Variants in KLHL5 observed in about 807,000 individuals in gnomAD.
KLHL5 encodes the protein kelch-like protein 5.
In KLHL5, 48 loss-of-function variants were observed where a neutral mutation model predicts 77.7. That is an observed-to-expected ratio of 0.62 (90% CI 0.49 to 0.79). The LOEUF is 0.79. Among genes scored for constraint, KLHL5 ranks in the 30% least tolerant of loss-of-function variants. KLHL5 has a pLI of 0.00. For synonymous variants in KLHL5, 260 were observed against 297.0 expected (o/e 0.88, Z 1.28); for missense variants, 723 against 859.7 (o/e 0.84, Z 1.99).
At chr4:39,110,479 G>A (rs941166520) in intron 8 of KLHL5, among the ~76,000 whole-genome samples, 1 of 151,910 alleles carries the variant, frequency 6.6e-6, no homozygotes, top group Non-Finnish European at 1.5e-5. Flanking sequence ...TTACTTTTGA[G>A]ACAGGGTCTA....
chr4:39,092,860 T>C (rs1720715050), intron 5 of KLHL5, among the ~76,000 whole-genome samples: 1 of 152,128 alleles, frequency 6.6e-6, no homozygotes, highest in Admixed American at 6.5e-5. Flanking sequence ...AAACTAACAA[T>C]TGGCGAGGAT....
At chr4:39,058,842 G>T (rs1290491969), upstream of KLHL5, among the ~76,000 whole-genome samples, 2 of 151,904 alleles carry the variant, frequency 1.3e-5, no homozygotes, top group Admixed American at 1.3e-4. Context: ...TAAGTGCTGG[G>T]ATTACAGTGA....
the KLHL5 span, among the ~76,000 whole-genome samples, chr4:39,132,313 C>G: frequency 6.6e-6 from 1 of 152,116 alleles, no homozygotes; most frequent in African/African-American, 2.4e-5. Context: ...AATCTTCCCA[C>G]AAAGAAAACT....
chr4:39,072,286 G>A (rs1718549382), intron 1 of KLHL5, among the ~76,000 whole-genome samples: 1 of 152,068 alleles, frequency 6.6e-6, no homozygotes, highest in Non-Finnish European at 1.5e-5. Flanking sequence ...CTAGGGCTGT[G>A]CATGCATTAG....
At chr4:39,101,881 C>G (rs1284232593) in intron 6 of KLHL5, among the ~76,000 whole-genome samples, 1 of 143,186 alleles carries the variant, frequency 7.0e-6, no homozygotes, top group Non-Finnish European at 1.5e-5. Context: ...TATATATACA[C>G]ACACACACAC....
At position 39,124,925 on chromosome 4, in the gene KLHL5, G is replaced by A. The variant is rs1315829341; in HGVS notation, c.*3859G>A. ...AATATTTGTAAATCTTACATATCTG[G>A]TAAGGAACTAATACCTAGAATATAT... On this transcript the variant is annotated 3_prime_UTR_variant, in exon 11 of 11. Transcript: ENST00000504108. Among the ~76,000 whole-genome samples, 1 of 151,700 alleles carries A rather than the reference G, an allele frequency of 6.6e-6. No homozygotes were observed. Among genetic ancestry groups the A allele is most frequent in the East Asian group, 1.9e-4 (1 of 5,194 alleles).
chr4:39,075,268 T>G (rs1394354581), intron 1 of KLHL5, among the ~76,000 whole-genome samples: 1 of 150,676 alleles, frequency 6.6e-6, no homozygotes, highest in African/African-American at 2.4e-5. Context: ...TAGGCGGAGG[T>G]TGTGGTGAGA....
chr4:39,116,689 GAGA>G (rs1009347201), intron 10 of KLHL5, among the ~76,000 whole-genome samples: 13 of 152,258 alleles, frequency 8.5e-5, no homozygotes, highest in African/African-American at 1.9e-4. Context: ...TGCTTGAGAG[GAGA>G]AGGAGTGCTT....
chr4:39,121,408 T>C lies in KLHL5; in HGVS notation c.*342T>C, dbSNP rs1723203432. 1 of 237,316 alleles carries C rather than the reference T, an allele frequency of 4.2e-6. No homozygotes were observed. Among genetic ancestry groups the C allele is most frequent in the Non-Finnish European group, 8.2e-6 (1 of 122,186 alleles). 14.7% of individuals were successfully genotyped at this position (237,316 alleles called of 1,614,324 possible). On this transcript the variant is annotated 3_prime_UTR_variant, in exon 11 of 11. Coordinates refer to ENST00000504108, the MANE Select transcript of KLHL5 (RefSeq NM_015990.5). ...CACATCTTACTCACATCCAGATTTATTTTCCTACAGTGCAAACACACCAGA... is the reference window on the plus strand; with the variant it reads ...CACATCTTACTCACATCCAGATTTACTTTCCTACAGTGCAAACACACCAGA...
intron 8 of KLHL5, among the ~76,000 whole-genome samples, chr4:39,111,272 A>G (rs1036037): frequency 0.53 from 80,228 of 152,026 alleles, 21,731 homozygotes; most frequent in Non-Finnish European, 0.59. Context: ...AAATTTAATT[A>G]TTAAGCATCC....
At chr4:39,129,745 T>C (rs767895116), downstream of KLHL5, among the ~76,000 whole-genome samples, 1 of 152,218 alleles carries the variant, frequency 6.6e-6, no homozygotes, top group Admixed American at 6.5e-5. This position sits in a 1 kb window ranked among gnomAD's most constrained non-coding sequence, Gnocchi z 4.2. Flanking sequence ...TGTATTTTAC[T>C]CAATATTTGG....
intron 1 of KLHL5, among the ~76,000 whole-genome samples, chr4:39,074,722 G>A (rs1718842051): frequency 6.6e-6 from 1 of 152,006 alleles, no homozygotes; most frequent in Non-Finnish European, 1.5e-5. Flanking sequence ...GAAATATGGT[G>A]ACTTTTTTCT....
upstream of KLHL5, among the ~76,000 whole-genome samples, chr4:39,061,335 T>C (rs1290693383): frequency 6.6e-6 from 1 of 152,234 alleles, no homozygotes; most frequent in Admixed American, 6.5e-5. Flanking sequence ...ATGGAATTAG[T>C]TGATAAAGGA....
At chr4:39,053,921 G>T (rs1427960897) in intron 1 of KLHL5, among the ~76,000 whole-genome samples, 1 of 152,222 alleles carries the variant, frequency 6.6e-6, no homozygotes, top group Non-Finnish European at 1.5e-5. Flanking sequence ...AGGGAGCTAA[G>T]TAGGGAGAAA....
chr4:39,120,047 C>T (rs1007343193), intron 10 of KLHL5: 5 of 151,950 alleles, frequency 3.3e-5, no homozygotes, highest in African/African-American at 1.2e-4. Context: ...TCTAGGGGGT[C>T]GAACTGATTA....
rs71643268 is a variant in KLHL5 at position 39,124,802 on chromosome 4, C to CAAAAAAAAAAAAAAAAAAA, written c.*3742_*3760dup. Among the ~76,000 whole-genome samples, 263 of 44,072 alleles carry CAAAAAAAAAAAAAAAAAAA rather than the reference C, an allele frequency of 6.0e-3. 1 individual carries two copies. The highest frequency in any genetic ancestry group is 0.012 in the East Asian group (15 of 1,292). 28.9% of individuals were successfully genotyped at this position (44,072 alleles called of 152,430 possible). A position where few individuals can be genotyped will look rare whatever the true frequency, so the allele number is the denominator to read the frequency against. On this transcript the variant is annotated 3_prime_UTR_variant, in exon 11 of 11. Coordinates refer to ENST00000504108, the MANE Select transcript of KLHL5 (RefSeq NM_015990.5). Reference sequence around the variant, plus strand: ...GCACCAAAAGCACAAGCAACAACAGCAAAAAAAAAAAAAAAAAAAAAAAAT... The same window carrying CAAAAAAAAAAAAAAAAAAA: ...GCACCAAAAGCACAAGCAACAACAGCAAAAAAAAAAAAAAAAAAAAAAAAAAAAAAAAAAAAAAAAAAAT...
intron 5 of KLHL5, among the ~76,000 whole-genome samples, chr4:39,094,617 A>G (rs922250199): frequency 5.9e-5 from 9 of 151,914 alleles, no homozygotes; most frequent in African/African-American, 2.2e-4. Context: ...CTATAAAGAC[A>G]CTGTAATATA....
chr4:39,071,792 G>C (rs1718502180), intron 1 of KLHL5, among the ~76,000 whole-genome samples: 1 of 152,164 alleles, frequency 6.6e-6, no homozygotes, highest in Admixed American at 6.5e-5. Flanking sequence ...CTACTGCAGA[G>C]AGAGACATAA....
chr4:39,072,778 G>C (rs1190688851), intron 1 of KLHL5, among the ~76,000 whole-genome samples: 1 of 152,130 alleles, frequency 6.6e-6, no homozygotes, highest in Non-Finnish European at 1.5e-5. Context: ...AGTCTTACCA[G>C]AGGTGCTTAC....
Sources: gnomAD v4.1 joint callset for allele counts (sites outside exome capture counted in the v4.1 genomes callset) on GRCh38, gnomAD v4.1.1 for gene constraint, Gnocchi (gnomAD v3.1) non-coding constraint, MANE v1.5 for transcripts, NCBI Gene and HGNC (gene_info 2026-07-23, HGNC 2026-07-21) for gene names.